Variants in DYNC1H1 observed in about 807,000 individuals in gnomAD.
DYNC1H1 encodes cytoplasmic dynein 1 heavy chain 1.
DYNC1H1 carries 51 observed loss-of-function variants against 527.1 expected under a neutral mutation model. The ratio of observed to expected loss-of-function variants is 0.10; its 90% CI spans 0.08 to 0.12. The LOEUF (loss-of-function observed/expected upper bound fraction) is 0.12, where lower values mean the gene tolerates loss of function less well. Among genes scored for constraint, DYNC1H1 ranks in the 10% least tolerant of loss-of-function variants. The probability of loss-of-function intolerance (pLI) is 1.00; values close to 1 mark genes in which losing one functional copy is unlikely to be tolerated. For missense variants in DYNC1H1, 2,771 were observed against 5,971.8 expected (o/e 0.46, Z 17.66); for synonymous variants, 2,189 against 2,278.8 (o/e 0.96, Z 1.12).
chr14:102,006,541 C>T (rs1389094266), intron 27 of DYNC1H1, among the ~76,000 whole-genome samples: 1 of 150,850 alleles, frequency 6.6e-6, no homozygotes, highest in Non-Finnish European at 1.5e-5. Context: ...CCTGAATGTA[C>T]TTCTTAATTA....
intron 1 of DYNC1H1, among the ~76,000 whole-genome samples, chr14:101,974,256 T>A (rs896175664): frequency 6.6e-6 from 1 of 152,092 alleles, no homozygotes; most frequent in Non-Finnish European, 1.5e-5. Context: ...TGCGCCACCA[T>A]GCCTGGCTAA....
At chr14:101,994,559 C>G in intron 12 of DYNC1H1, 114 bp from the exon 13 acceptor site, 2 of 1,434,102 alleles carry the variant, frequency 1.4e-6, no homozygotes. Flanking sequence ...GTGAGAATTT[C>G]TCTAATAGTG....
chr14:101,973,421 A>G (rs1159900941), intron 1 of DYNC1H1, among the ~76,000 whole-genome samples: 1 of 152,078 alleles, frequency 6.6e-6, no homozygotes, highest in African/African-American at 2.4e-5. Context: ...CGGCCTCCCA[A>G]AGTGCTGAGA....
chr14:102,010,109 T>C lies in DYNC1H1; in HGVS notation c.6221+23T>C. On this transcript the variant is annotated intron_variant, in intron 30 of 77. Coordinates refer to ENST00000360184, the MANE Select transcript of DYNC1H1 (RefSeq NM_001376.5). This position sits in a 1 kb window ranked among gnomAD's most constrained non-coding sequence, Gnocchi z 6.0. ...TAAGTAAGTAGCCTAGAATTCTTCATAATCATGTTTCTTGCATATGTTAAA... is the reference window on the plus strand; with the variant it reads ...TAAGTAAGTAGCCTAGAATTCTTCACAATCATGTTTCTTGCATATGTTAAA... 1 of 1,613,434 alleles carries C rather than the reference T, an allele frequency of 6.2e-7. No homozygotes were observed. Among genetic ancestry groups the C allele is most frequent in the Non-Finnish European group, 8.5e-7 (1 of 1,180,042 alleles).
chr14:101,983,683 G>T lies in DYNC1H1; in HGVS notation c.1461+74G>T, dbSNP rs10135613. ...GTTTTTTGTTTGGTGTTTTTTTTTTGTTGTTGTTGTTGAGATGAAGTTTCA... is the reference window on the plus strand; with the variant it reads ...GTTTTTTGTTTGGTGTTTTTTTTTTTTTGTTGTTGTTGAGATGAAGTTTCA... On this transcript the variant is annotated intron_variant, in intron 7 of 77. Coordinates refer to ENST00000360184, the MANE Select transcript of DYNC1H1 (RefSeq NM_001376.5). This position sits in a 1 kb window ranked among gnomAD's most constrained non-coding sequence, Gnocchi z 5.3. 109,693 of 1,365,406 alleles carry T rather than the reference G, an allele frequency of 0.08. 5,077 individuals carry two copies. The highest frequency in any genetic ancestry group is 0.34 in the African/African-American group (22,513 of 66,104). 84.6% of individuals were successfully genotyped at this position (1,365,406 alleles called of 1,614,324 possible).
chr14:101,974,248 C>T (rs1222699931), intron 1 of DYNC1H1, among the ~76,000 whole-genome samples: 2 of 152,124 alleles, frequency 1.3e-5, no homozygotes, highest in Admixed American at 1.3e-4. Flanking sequence ...TACAGGCATG[C>T]GCCACCATGC....
Position 102,017,246 on chromosome 14 carries a change from A to G in DYNC1H1, c.8007A>G (p.Pro2669=), listed in dbSNP as rs1183033853. 6.2e-7 allele frequency: 1 copy of G among 1,614,278 alleles called. No individual in the cohort carries two copies. Among genetic ancestry groups the G allele is most frequent in the Non-Finnish European group, 8.5e-7 (1 of 1,180,052 alleles). Residue 2669 remains proline, a synonymous_variant, in exon 39 of 78, where the codon CCA becomes CCG. Coordinates refer to ENST00000360184, the MANE Select transcript of DYNC1H1 (RefSeq NM_001376.5). This position sits in a 1 kb window ranked among gnomAD's most constrained non-coding sequence, Gnocchi z 4.6. ...LVLFCDEINL[P]DMDKYGTQRV... is the part of the protein sequence containing the mutation. The stretch of plus-strand genomic sequence containing the variant: ...TGTTCTGTGATGAAATCAACTTGCC[A>G]GATATGGATAAATATGGGACCCAGA...
At chr14:102,032,144 C>T in intron 51 of DYNC1H1, 128 bp from the exon 52 acceptor site, 1 of 1,141,648 alleles carries the variant, frequency 8.8e-7, no homozygotes, top group South Asian at 1.2e-5. Context: ...TTTCTTAGCT[C>T]TTCTAAGCAG....
intron 27 of DYNC1H1, 38 bp downstream of exon 27, chr14:102,006,208 T>C (rs2048194799): frequency 1.2e-6 from 2 of 1,607,982 alleles, no homozygotes; most frequent in Non-Finnish European, 1.7e-6. Context: ...TGGAATCATA[T>C]ATTAAAATGT....
chr14:102,016,742 TCA>T lies in DYNC1H1; in HGVS notation c.7615-20_7615-19del, dbSNP rs778622956. ...GGAGGCACCTTGGTTGCAGCCGGAC[TCA>T]CACTTCCATCTCCGTGTGTAGGTGT... is the stretch of plus-strand genomic sequence containing the variant. On this transcript the variant is annotated intron_variant, in intron 37 of 77. Transcript: ENST00000360184. The surrounding 1 kb of genome is among the most constrained non-coding windows in gnomAD (Gnocchi z 7.3). The T allele has an allele frequency of 1.2e-6, 2 of 1,611,388 alleles. No homozygotes were observed. Among genetic ancestry groups the T allele is most frequent in the South Asian group, 2.2e-5 (2 of 90,630 alleles).
intron 41 of DYNC1H1, among the ~76,000 whole-genome samples, chr14:102,019,111 G>A (rs888662815): frequency 6.6e-6 from 1 of 152,178 alleles, no homozygotes; most frequent in African/African-American, 2.4e-5. Context: ...GCATGTGTAT[G>A]TATGTGTATA....
chr14:102,001,255 C>G lies in DYNC1H1; in HGVS notation c.4296C>G (p.Gly1432=), dbSNP rs150374820. The G allele has an allele frequency of 6.6e-5, 106 of 1,614,058 alleles. No homozygotes were observed. In the African/African-American group the frequency reaches 1.1e-3, roughly 17 times the overall value. ...GGGTTGTTTCTGAGCTAACCCTTGG[C>G]CAAATCTGGGATGTTGACTTGCAGA... ...VNWVVSELTL[G]QIWDVDLQKN... Residue 1432 remains glycine (G), a synonymous_variant, in exon 20 of 78, where the codon GGC becomes GGG. Transcript: ENST00000360184. The surrounding 1 kb of genome is among the most constrained non-coding windows in gnomAD (Gnocchi z 5.0).
chr14:102,043,695 C>T, intron 69 of DYNC1H1, 180 bp from the exon 70 acceptor site: 1 of 715,756 alleles, frequency 1.4e-6, no homozygotes, highest in Non-Finnish European at 2.4e-6. Flanking sequence ...CATTGGATGA[C>T]ACGTCTATTA....
chr14:101,965,106 C>T lies in DYNC1H1; in HGVS notation c.256+159C>T, dbSNP rs377018579. Among the ~76,000 whole-genome samples, 2 of 151,890 alleles carry T rather than the reference C, an allele frequency of 1.3e-5. No homozygotes were observed. The highest frequency in any genetic ancestry group is 2.1e-4 in the South Asian group (1 of 4,820). ...AGCCCGGCGGCCGCAGACGTCCCGC[C>T]GGCCGGGTCCCCAGGGCCGCAGACG... On this transcript the variant is annotated intron_variant, in intron 1 of 77. Coordinates refer to ENST00000360184, the MANE Select transcript of DYNC1H1 (RefSeq NM_001376.5). The surrounding 1 kb of genome is among the most constrained non-coding windows in gnomAD (Gnocchi z 4.1).
rs754712755 is a variant in DYNC1H1 at position 102,039,494 on chromosome 14, G to A, written c.11543G>A (p.Gly3848Asp). The A allele has an allele frequency of 1.8e-5, 29 of 1,614,228 alleles. No homozygotes were observed. The highest frequency in any genetic ancestry group is 2.4e-5 in the Non-Finnish European group (28 of 1,180,048). ...CTATACGAGAACCCGAACCTGAAGGGTGTCACCGACCACACACAGCGCCTG... is the reference window on the plus strand; with the variant it reads ...CTATACGAGAACCCGAACCTGAAGGATGTCACCGACCACACACAGCGCCTG... The part of the protein sequence containing the change: ...NVLYENPNLK[G>D]VTDHTQRLSI... Residue 3848 changes from glycine to aspartate, a missense_variant, in exon 61 of 78, where the codon GGT becomes GAT. Physicochemically the swap from Gly to Asp is moderately conservative, Grantham distance 94 (BLOSUM62 -1). Transcript: ENST00000360184. The surrounding 1 kb of genome is among the most constrained non-coding windows in gnomAD (Gnocchi z 7.0).
rs762749914 is a variant in DYNC1H1 at position 102,009,818 on chromosome 14, C to A, written c.5978-25C>A. On this transcript the variant is annotated intron_variant, in intron 29 of 77. Coordinates refer to ENST00000360184, the MANE Select transcript of DYNC1H1 (RefSeq NM_001376.5). ...GTTTTTTTTTTTTAACATTTCTAGTCTTAACGCTATCATCTCATTCTCAGC... is the reference window on the plus strand; with the variant it reads ...GTTTTTTTTTTTTAACATTTCTAGTATTAACGCTATCATCTCATTCTCAGC... 6.8e-6 allele frequency: 11 copies of A among 1,612,804 alleles called. No homozygotes were observed. The South Asian group carries it at 1.2e-4, about 18-fold the overall frequency.
In DYNC1H1 at chr14:102,020,024, G is replaced by T; in HGVS notation, c.8475G>T (p.Trp2825Cys). ...CTGTTGAAGGCCTCATTCGGATTTG[G>T]GCACATGAAGCTCTGCGTCTCTTCC... Reference protein sequence around the residue: ...TLPVEGLIRIWAHEALRLFQD... With the variant: ...TLPVEGLIRICAHEALRLFQD... Residue 2825 changes from tryptophan to cysteine, a missense_variant, in exon 42 of 78, where the codon TGG becomes TGT. Around this residue, in one of 32 missense-constraint regions of DYNC1H1, gnomAD observed 163 missense variants for 346.9 expected, o/e 0.47. Transcript: ENST00000360184. The surrounding 1 kb of genome is among the most constrained non-coding windows in gnomAD (Gnocchi z 4.3). The T allele has an allele frequency of 3.1e-6, 5 of 1,614,162 alleles. No homozygotes were observed. The highest frequency in any genetic ancestry group is 4.2e-6 in the Non-Finnish European group (5 of 1,180,040).
intron 12 of DYNC1H1, 143 bp downstream of exon 12, chr14:101,994,467 G>A (rs920755312): frequency 2.4e-5 from 34 of 1,393,918 alleles, no homozygotes; most frequent in Non-Finnish European, 3.3e-5. Context: ...AAAGCAGAGA[G>A]TAAATGATAG....
chr14:101,977,873 AT>A (rs1467451907), intron 2 of DYNC1H1, among the ~76,000 whole-genome samples: 1 of 152,190 alleles, frequency 6.6e-6, no homozygotes, highest in African/African-American at 2.4e-5. Flanking sequence ...CTTTACAGTT[AT>A]ATGAAGTTTT....
Sources: allele counts gnomAD v4.1 joint callset (sites outside exome capture counted in the v4.1 genomes callset), GRCh38; gene constraint gnomAD v4.1.1; regional missense constraint gnomAD v4.1.1; non-coding constraint Gnocchi (gnomAD v3.1); transcripts MANE v1.5; gene names NCBI Gene and HGNC (gene_info 2026-07-23, HGNC 2026-07-21).